Variants in C1QTNF7 observed in about 807,000 individuals in gnomAD.
The protein encoded by C1QTNF7 is C1q and TNF related 7.
In C1QTNF7, 15 loss-of-function variants were observed where a neutral mutation model predicts 19.6. The ratio of observed to expected loss-of-function variants is 0.76; its 90% CI spans 0.51 to 1.18. The LOEUF (loss-of-function observed/expected upper bound fraction) is 1.18, where lower values mean the gene tolerates loss of function less well. C1QTNF7 is among the 50% of genes most tolerant of loss of function. The probability of loss-of-function intolerance (pLI) is 0.00; values close to 1 mark genes in which losing one functional copy is unlikely to be tolerated. For missense variants in C1QTNF7, 324 were observed against 359.7 expected, an observed-to-expected ratio of 0.90 and a Z score of 0.80; for synonymous variants, 142 against 137.5, an observed-to-expected ratio of 1.03 and a Z score of -0.23.
chr4:15,424,971 G>T (rs1263344087), upstream of C1QTNF7, among the ~76,000 whole-genome samples: 9 of 152,020 alleles, frequency 5.9e-5, no homozygotes, highest in South Asian at 1.7e-3. Flanking sequence ...TCTCTACAAG[G>T]TCTCTTTGTT....
intron 1 of C1QTNF7, among the ~76,000 whole-genome samples, chr4:15,408,296 A>G (rs981198497): frequency 1.3e-5 from 2 of 150,070 alleles, no homozygotes; most frequent in African/African-American, 4.9e-5. Flanking sequence ...AAAAAAAAAA[A>G]AAGTTTGTAT....
At chr4:15,418,993 C>A (rs779221992) in intron 1 of C1QTNF7, among the ~76,000 whole-genome samples, 6 of 152,214 alleles carry the variant, frequency 3.9e-5, no homozygotes, top group Non-Finnish European at 5.9e-5. Flanking sequence ...ACGTTCTCTT[C>A]ACAGCAGAGG....
intron 1 of C1QTNF7, among the ~76,000 whole-genome samples, chr4:15,360,726 C>T (rs916980417): frequency 3.3e-5 from 5 of 152,152 alleles, no homozygotes; most frequent in Non-Finnish European, 7.4e-5. Context: ...CTGAGATGTG[C>T]ATATCCATCC....
chr4:15,345,475 A>T (rs1012125724), intron 1 of C1QTNF7, among the ~76,000 whole-genome samples: 1 of 152,170 alleles, frequency 6.6e-6, no homozygotes, highest in Non-Finnish European at 1.5e-5. Context: ...TCTCCCATCA[A>T]GGATGTCTCA....
intron 2 of C1QTNF7, among the ~76,000 whole-genome samples, chr4:15,439,749 C>A (rs551086572): frequency 7.9e-5 from 12 of 152,210 alleles, no homozygotes; most frequent in Admixed American, 6.5e-4. Flanking sequence ...AATTTGGATA[C>A]TTTTTGAGGA....
chr4:15,411,738 A>G (rs1029014312), intron 1 of C1QTNF7, among the ~76,000 whole-genome samples: 11 of 152,164 alleles, frequency 7.2e-5, no homozygotes. Flanking sequence ...ATTATCACAA[A>G]CCTGGTGGAG....
chr4:15,411,461 G>A (rs961948193), intron 1 of C1QTNF7, among the ~76,000 whole-genome samples: 1 of 152,188 alleles, frequency 6.6e-6, no homozygotes, highest in African/African-American at 2.4e-5. Flanking sequence ...GAATCACCAG[G>A]AGGGTCTCTG....
At chr4:15,365,318 C>T (rs995480145) in intron 1 of C1QTNF7, among the ~76,000 whole-genome samples, 1 of 151,882 alleles carries the variant, frequency 6.6e-6, no homozygotes, top group Admixed American at 6.6e-5. Flanking sequence ...GATTTGATTC[C>T]CAGGTCTGCT....
intron 1 of C1QTNF7, among the ~76,000 whole-genome samples, chr4:15,347,962 T>C (rs1376886066): frequency 1.3e-5 from 2 of 152,156 alleles, no homozygotes; most frequent in Non-Finnish European, 2.9e-5. Context: ...CATGGTTAAG[T>C]TACTCTAGTT....
chr4:15,371,143 G>C (rs761662651), intron 1 of C1QTNF7, among the ~76,000 whole-genome samples: 1 of 152,246 alleles, frequency 6.6e-6, no homozygotes, highest in Non-Finnish European at 1.5e-5. Context: ...GGGCCAGGCT[G>C]TGCTGCCCTT....
At chr4:15,382,752 A>T (rs184537986) in intron 1 of C1QTNF7, among the ~76,000 whole-genome samples, 7 of 152,218 alleles carry the variant, frequency 4.6e-5, no homozygotes, top group African/African-American at 7.2e-5. Flanking sequence ...AGACTTTCTT[A>T]AAAAAAGCCA....
intron 1 of C1QTNF7, among the ~76,000 whole-genome samples, chr4:15,398,258 GCA>G (rs1718862972): frequency 6.6e-6 from 1 of 152,096 alleles, no homozygotes. Context: ...AATTTTAAAA[GCA>G]CCTGGGGTTA....
chr4:15,340,318 T>C (rs1716495498), intron 1 of C1QTNF7: 4 of 1,307,876 alleles, frequency 3.1e-6, no homozygotes, highest in Non-Finnish European at 4.3e-6. Flanking sequence ...ATGGGGGAAC[T>C]TGTAAAAATA....
intron 1 of C1QTNF7, among the ~76,000 whole-genome samples, chr4:15,430,209 C>G (rs1485378177): frequency 6.6e-6 from 1 of 152,124 alleles, no homozygotes; most frequent in Non-Finnish European, 1.5e-5. Flanking sequence ...AAAACAAAAA[C>G]CTGTTACTTT....
chr4:15,436,882 T>C (rs985501830), intron 2 of C1QTNF7, among the ~76,000 whole-genome samples: 2 of 152,020 alleles, frequency 1.3e-5, no homozygotes, highest in African/African-American at 4.8e-5. Context: ...TTTACTGGAG[T>C]TCTGTAAAAC....
intron 1 of C1QTNF7, among the ~76,000 whole-genome samples, chr4:15,430,052 T>C (rs541817469): frequency 1.6e-3 from 249 of 152,326 alleles, no homozygotes; most frequent in African/African-American, 5.5e-3. Context: ...GTATTTTCCA[T>C]GGCTAGTTTA....
chr4:15,418,007 A>G (rs1278612702), intron 1 of C1QTNF7, among the ~76,000 whole-genome samples: 1 of 152,108 alleles, frequency 6.6e-6, no homozygotes, highest in African/African-American at 2.4e-5. Context: ...CATCTCCAAC[A>G]CTGGGGATTA....
At chr4:15,419,518 A>C (rs747500005) in intron 1 of C1QTNF7, among the ~76,000 whole-genome samples, 21 of 152,222 alleles carry the variant, frequency 1.4e-4, no homozygotes, top group Non-Finnish European at 2.4e-4. Context: ...TTTGAACAGA[A>C]GACCTATGCA....
chr4:15,439,199 A>T (rs752849335), intron 2 of C1QTNF7, among the ~76,000 whole-genome samples: 1 of 152,220 alleles, frequency 6.6e-6, no homozygotes, highest in Non-Finnish European at 1.5e-5. Flanking sequence ...CAAATTCTTC[A>T]TACAAACAGG....
Sources: allele counts gnomAD v4.1 joint callset (sites outside exome capture counted in the v4.1 genomes callset), GRCh38; gene constraint gnomAD v4.1.1; transcripts MANE v1.5; gene names NCBI Gene and HGNC (gene_info 2026-07-23, HGNC 2026-07-21).